The following HOXA9 variants were observed in gnomAD, a reference collection of about 807,000 sequenced individuals.
HOXA9 encodes homeobox A9, also known as homeobox protein Hox-A9.
In HOXA9, 18 loss-of-function variants were observed where a neutral mutation model predicts 19.0. The observed-to-expected ratio is 0.95, with a 90% CI of 0.65 to 1.40. The LOEUF (loss-of-function observed/expected upper bound fraction) is 1.40, where lower values mean the gene tolerates loss of function less well. HOXA9 is among the 40% of genes most tolerant of loss of function. The pLI, the probability that HOXA9 is intolerant of heterozygous loss-of-function variation, is 0.00. For synonymous variants in HOXA9, 198 were observed against 161.1 expected, an observed-to-expected ratio of 1.23 and a Z score of -1.73; for missense variants, 443 against 372.2, an observed-to-expected ratio of 1.19 and a Z score of -1.57.
rs1008082060 is a variant in HOXA9, at chr7:27,163,134, C to T, written c.*469G>A. 5 of 222,682 alleles carry T rather than the reference C, an allele frequency of 2.2e-5. No individual in the cohort carries two copies. Among genetic ancestry groups the T allele is most frequent in the African/African-American group, 9.0e-5 (4 of 44,556 alleles). 13.8% of individuals were successfully genotyped at this position (222,682 alleles called of 1,614,324 possible). A position where few individuals can be genotyped will look rare whatever the true frequency, so the allele number is the denominator to read the frequency against. The stretch of plus-strand genomic sequence containing the variant: ...AGTTTGAATCACAAAACATAATTAC[C>T]ACAATAAAACACAGTGTTCAAGTAT... On this transcript the variant is annotated 3_prime_UTR_variant, in exon 2 of 2. Coordinates refer to ENST00000343483, the MANE Select transcript of HOXA9 (RefSeq NM_152739.4).
chr7:27,165,494 A>G lies in HOXA9; in HGVS notation c.-37T>C. 3 of 1,526,430 alleles carry G rather than the reference A, an allele frequency of 2.0e-6. No individual in the cohort carries two copies. Among genetic ancestry groups the G allele is most frequent in the Non-Finnish European group, 2.6e-6 (3 of 1,141,822 alleles). The allele number at this position is 1,526,430 out of a possible 1,614,324, so 94.6% of individuals were successfully genotyped here. A position where few individuals can be genotyped will look rare whatever the true frequency, so the allele number is the denominator to read the frequency against. On this transcript the variant is annotated 5_prime_UTR_variant, in exon 1 of 2. Coordinates refer to ENST00000343483, the MANE Select transcript of HOXA9 (RefSeq NM_152739.4). ...GCGCCTGGCCCGCCCGGCCCGACCC[A>G]CGGAAATTATGAAACTGCAGATTTC...
rs754400549 is a variant in HOXA9, at chr7:27,165,186, T to G, written c.272A>C (p.Tyr91Ser). 2 of 1,594,410 alleles carry G rather than the reference T, an allele frequency of 1.3e-6. No individual in the cohort carries two copies. Among genetic ancestry groups the G allele is most frequent in the Non-Finnish European group, 1.7e-6 (2 of 1,170,816 alleles). ...AVYHHHHHHP[Y>S]VHPQAPVAAA... ...CGCCACGGGCGCCTGGGGGTGCACGTAGGGGTGGTGGTGATGGTGGTGGTA... is the reference window on the plus strand; with the variant it reads ...CGCCACGGGCGCCTGGGGGTGCACGGAGGGGTGGTGGTGATGGTGGTGGTA... Residue 91 changes from tyrosine (Y) to serine (S), a missense_variant, in exon 1 of 2, where the codon TAC becomes TCC. Transcript: ENST00000343483.
intron 1 of HOXA9, 50 bp downstream of exon 1, chr7:27,164,828 G>C (rs762772939): frequency 1.9e-5 from 30 of 1,578,266 alleles, no homozygotes; most frequent in Non-Finnish European, 3.4e-6. Context: ...CAGCAGATCC[G>C]GGAGGCCGGC....
In HOXA9 at chr7:27,164,926, T is replaced by C. The variant is rs749927554; in HGVS notation, c.532A>G (p.Asn178Asp). ...KQPSEGAFSE[N>D]NAENESGGDK... ...CCGCCGCTCTCATTCTCAGCATTGT[T>C]TTCAGAGAAGGCGCCTTCGCTGGGT... Residue 178 changes from asparagine (N) to aspartate (D), a missense_variant, in exon 1 of 2, where the codon AAC becomes GAC. Physicochemically the swap from Asn to Asp is conservative, Grantham distance 23. Coordinates refer to ENST00000343483, the MANE Select transcript of HOXA9 (RefSeq NM_152739.4). 6.2e-7 allele frequency: 1 copy of C among 1,614,186 alleles called. No individual in the cohort carries two copies.
At chr7:27,164,821 C>T (rs1191616117) in intron 1 of HOXA9, 57 bp downstream of exon 1, 21 of 1,571,966 alleles carry the variant, frequency 1.3e-5, no homozygotes, top group Non-Finnish European at 1.6e-5. Context: ...GGCGGGCCAG[C>T]AGATCCGGGA....
chr7:27,164,857 T>A (rs755742946), intron 1 of HOXA9, 21 bp downstream of exon 1: 2 of 1,600,648 alleles, frequency 1.2e-6, no homozygotes, highest in Non-Finnish European at 1.7e-6. Flanking sequence ...GGCGGCGGAT[T>A]TGAAGGGAGG....
At chr7:27,164,180 G>A (rs1783264243) in intron 1 of HOXA9, among the ~76,000 whole-genome samples, 1 of 152,166 alleles carries the variant, frequency 6.6e-6, no homozygotes, top group Admixed American at 6.5e-5. Flanking sequence ...AAAGCATGCT[G>A]CCTTGTGTTC....
rs200958902 is a variant in HOXA9, at chr7:27,165,340, G to C, written c.118C>G (p.Arg40Gly). ...YAPGTLGQPP[R>G]QAATLAEHPD... is the part of the protein sequence containing the mutation. ...TGCTCGGCCAGCGTCGCCGCCTGCC[G>C]GGGAGGCTGGCCCAGGGTCCCCGGC... is the stretch of plus-strand genomic sequence containing the variant. Residue 40 changes from arginine (R) to glycine (G), a missense_variant, in exon 1 of 2, where the codon CGG (arginine) becomes GGG (glycine). Physicochemically the swap from Arg to Gly is moderately radical, Grantham distance 125. Coordinates refer to ENST00000343483, the MANE Select transcript of HOXA9 (RefSeq NM_152739.4). 4 of 1,584,878 alleles carry C rather than the reference G, an allele frequency of 2.5e-6. No homozygotes were observed. The highest frequency in any genetic ancestry group is 2.7e-5 in the African/African-American group (2 of 74,190).
In HOXA9 at chr7:27,165,165, A is replaced by T. The variant is rs1783296347; in HGVS notation, c.293T>A (p.Val98Glu). The T allele has an allele frequency of 5.0e-6, 8 of 1,597,686 alleles. No individual in the cohort carries two copies. In the East Asian group the frequency reaches 1.8e-4, roughly 36 times the overall value. Residue 98 changes from valine (V) to glutamate (E), a missense_variant, in exon 1 of 2, where the codon GTG (valine) becomes GAG (glutamate). Coordinates refer to ENST00000343483, the MANE Select transcript of HOXA9 (RefSeq NM_152739.4). ...HHPYVHPQAP[V>E]AAAAPDGRYM... ...CCTGCCGTCCGGCGCCGCCGCCGCCACGGGCGCCTGGGGGTGCACGTAGGG... is the reference window on the plus strand; with the variant it reads ...CCTGCCGTCCGGCGCCGCCGCCGCCTCGGGCGCCTGGGGGTGCACGTAGGG...
In HOXA9 at chr7:27,165,192, T is replaced by C. The variant is rs755489506; in HGVS notation, c.266A>G (p.His89Arg). ...PAAVYHHHHH[H>R]PYVHPQAPVA... ...GGGCGCCTGGGGGTGCACGTAGGGGTGGTGGTGATGGTGGTGGTACACCGC... is the reference window on the plus strand; with the variant it reads ...GGGCGCCTGGGGGTGCACGTAGGGGCGGTGGTGATGGTGGTGGTACACCGC... The change falls in exon 1 of 2, where the codon CAC becomes CGC. Residue 89 changes from histidine to arginine, a missense_variant. By Grantham distance (29) the His-to-Arg change is conservative (BLOSUM62 0). Transcript: ENST00000343483. 1.3e-6 allele frequency: 2 copies of C among 1,588,842 alleles called. No individual in the cohort carries two copies. Among genetic ancestry groups the C allele is most frequent in the East Asian group, 4.5e-5 (2 of 44,454 alleles).
Position 27,163,834 on chromosome 7 carries a change from T to C in HOXA9, c.588A>G (p.Pro196=), listed in dbSNP as rs751034299. Residue 196 remains proline, a synonymous_variant, in exon 2 of 2, where the codon CCA becomes CCG. Coordinates refer to ENST00000343483, the MANE Select transcript of HOXA9 (RefSeq NM_152739.4). Reference sequence around the variant, plus strand: ...AGCGCGCATGAAGCCAGTTGGCTGCTGGGTTATCTGCGGGGAAGAGAAACA... The same window carrying C: ...AGCGCGCATGAAGCCAGTTGGCTGCCGGGTTATCTGCGGGGAAGAGAAACA... The part of the protein sequence containing the change: ...GDKPPIDPNN[P]AANWLHARST... 3 of 1,613,590 alleles carry C rather than the reference T, an allele frequency of 1.9e-6. No homozygotes were observed. The highest frequency in any genetic ancestry group is 1.3e-5 in the African/African-American group (1 of 74,898).
At position 27,163,800 on chromosome 7, in the gene HOXA9, T is replaced by C. The variant is rs1259036776; in HGVS notation, c.622A>G (p.Lys208Glu). The change falls in exon 2 of 2, where the codon AAA becomes GAA. Residue 208 changes from lysine to glutamate, a missense_variant. Coordinates refer to ENST00000343483, the MANE Select transcript of HOXA9 (RefSeq NM_152739.4). The part of the protein sequence containing the change: ...ANWLHARSTR[K>E]KRCPYTKHQT... ...TGTTTTGTATAGGGGCACCGCTTTT[T>C]CCGAGTGGAGCGCGCATGAAGCCAG... 4 of 1,614,074 alleles carry C rather than the reference T, an allele frequency of 2.5e-6. No individual in the cohort carries two copies. Among genetic ancestry groups the C allele is most frequent in the Non-Finnish European group, 3.4e-6 (4 of 1,180,004 alleles).
In HOXA9 at chr7:27,165,013, T is replaced by A; in HGVS notation, c.445A>T (p.Thr149Ser). 6.2e-7 allele frequency: 1 copy of A among 1,614,194 alleles called. No homozygotes were observed. The highest frequency in any genetic ancestry group is 8.5e-7 in the Non-Finnish European group (1 of 1,180,026). Residue 149 changes from threonine (T) to serine (S), a missense_variant, in exon 1 of 2, where the codon ACT becomes TCT. By Grantham distance (58) the Thr-to-Ser change is moderately conservative. Transcript: ENST00000343483. ...TAGTCAGTCAGGGACAAAGTGTGAG[T>A]GTCAAGCGTGGGACAGTCACCCCTT... ...ARRGDCPTLD[T>S]HTLSLTDYAC...
In HOXA9 at chr7:27,163,380, A is replaced by G. The variant is rs1783242586; in HGVS notation, c.*223T>C. ...TCAACTTTTCCTTTTTCTTATAGAA[A>G]ATGGAAAGCTTACAATACCTCCTCC... On this transcript the variant is annotated 3_prime_UTR_variant, in exon 2 of 2. Coordinates refer to ENST00000343483, the MANE Select transcript of HOXA9 (RefSeq NM_152739.4). 1.9e-6 allele frequency: 1 copy of G among 523,740 alleles called. No individual in the cohort carries two copies. Among genetic ancestry groups the G allele is most frequent in the Non-Finnish European group, 3.4e-6 (1 of 295,790 alleles). 32.4% of individuals were successfully genotyped at this position (523,740 alleles called of 1,614,324 possible).
rs1783289895 is a variant in HOXA9, at chr7:27,165,070, A to C, written c.388T>G (p.Tyr130Asp). 9 of 1,613,990 alleles carry C rather than the reference A, an allele frequency of 5.6e-6. No individual in the cohort carries two copies. The highest frequency in any genetic ancestry group is 1.1e-5 in the South Asian group (1 of 91,070). Reference sequence around the variant, plus strand: ...GACAGCGGTTCAGGTTTAATGCCATAAGGCCGGCTGGAGGGCAAGCCCGCG... The same window carrying C: ...GACAGCGGTTCAGGTTTAATGCCATCAGGCCGGCTGGAGGGCAAGCCCGCG... ...SFAGLPSSRP[Y>D]GIKPEPLSAR... is the part of the protein sequence containing the mutation. The change falls in exon 1 of 2, where the codon TAT becomes GAT. Residue 130 changes from tyrosine (Y) to aspartate (D), a missense_variant. Tyr to Asp is a radical substitution (Grantham distance 160, BLOSUM62 -3). Coordinates refer to ENST00000343483, the MANE Select transcript of HOXA9 (RefSeq NM_152739.4).
At position 27,163,478 on chromosome 7, in the gene HOXA9, C is replaced by G; in HGVS notation, c.*125G>C. 1 of 812,578 alleles carries G rather than the reference C, an allele frequency of 1.2e-6. No homozygotes were observed. Among genetic ancestry groups the G allele is most frequent in the Non-Finnish European group, 2.0e-6 (1 of 501,656 alleles). The allele number at this position is 812,578 out of a possible 1,614,324, so 50.3% of individuals were successfully genotyped here. A position where few individuals can be genotyped will look rare whatever the true frequency, so the allele number is the denominator to read the frequency against. ...AAAAGATGTGGCCTGAGGTTTAGAG[C>G]CGCTTTGTGCGGGGATGGTGGAGGC... On this transcript the variant is annotated 3_prime_UTR_variant, in exon 2 of 2. Transcript: ENST00000343483.
Position 27,165,511 on chromosome 7 carries a change from G to A in HOXA9, c.-54C>T. On this transcript the variant is annotated 5_prime_UTR_variant, in exon 1 of 2. Coordinates refer to ENST00000343483, the MANE Select transcript of HOXA9 (RefSeq NM_152739.4). ...CCCGACCCACGGAAATTATGAAACT[G>A]CAGATTTCATGTAACAACTTGGTGG... 8 of 1,493,528 alleles carry A rather than the reference G, an allele frequency of 5.4e-6. No homozygotes were observed. The South Asian group carries it at 1.0e-4, about 19-fold the overall frequency. The allele number at this position is 1,493,528 out of a possible 1,614,324, so 92.5% of individuals were successfully genotyped here.
Position 27,165,132 on chromosome 7 carries a change from C to T in HOXA9, c.326G>A (p.Arg109His), listed in dbSNP as rs1057051769. Residue 109 changes from arginine (R) to histidine (H), a missense_variant, in exon 1 of 2, where the codon CGC becomes CAC. By Grantham distance (29) the Arg-to-His change is conservative. Transcript: ENST00000343483. ...ACCGGGCGTGGGCTCCAGCCAGGAG[C>T]GCATGTACCTGCCGTCCGGCGCCGC... ...AAAAPDGRYM[R>H]SWLEPTPGAL... is the part of the protein sequence containing the mutation. 7.5e-6 allele frequency: 12 copies of T among 1,604,660 alleles called. No individual in the cohort carries two copies. Among genetic ancestry groups the T allele is most frequent in the African/African-American group, 1.3e-5 (1 of 74,624 alleles).
At position 27,163,772 on chromosome 7, in the gene HOXA9, T is replaced by C; in HGVS notation, c.650A>G (p.Gln217Arg). 2 of 1,614,160 alleles carry C rather than the reference T, an allele frequency of 1.2e-6. No homozygotes were observed. Among genetic ancestry groups the C allele is most frequent in the Non-Finnish European group, 1.7e-6 (2 of 1,180,034 alleles). ...AAACTCTTTCTCCAGTTCCAGGGTC[T>C]GGTGTTTTGTATAGGGGCACCGCTT... ...RKKRCPYTKH[Q>R]TLELEKEFLF... Residue 217 changes from glutamine to arginine, a missense_variant, in exon 2 of 2, where the codon CAG (glutamine) becomes CGG (arginine). Transcript: ENST00000343483.
Sources: allele counts gnomAD v4.1 joint callset (sites outside exome capture counted in the v4.1 genomes callset), GRCh38; gene constraint gnomAD v4.1.1; transcripts MANE v1.5; gene names NCBI Gene and HGNC (gene_info 2026-07-23, HGNC 2026-07-21).